Variants in KCTD1 observed in about 807,000 individuals in gnomAD.
KCTD1 encodes potassium channel tetramerization domain containing 1.
Under a neutral mutation model 66.0 loss-of-function variants are expected in KCTD1, and 24 were observed. The observed-to-expected ratio is 0.36, with a 90% CI of 0.26 to 0.51. KCTD1 has a LOEUF of 0.51. KCTD1 is among the 20% of genes least tolerant of loss of function. The pLI is 0.95. For synonymous variants in KCTD1, 511 were observed against 517.2 expected (o/e 0.99, Z 0.16); for missense variants, 943 against 1,205.2 (o/e 0.78, Z 3.22).
chr18:26,544,021 C>T (rs1985096155), intron 1 of KCTD1: 1 of 152,124 alleles, frequency 6.6e-6, no homozygotes, highest in African/African-American at 2.4e-5. Flanking sequence ...TAAGGATGGA[C>T]GATACAGTGG....
intron 2 of KCTD1, among the ~76,000 whole-genome samples, chr18:26,484,463 C>T (rs927094108): frequency 5.3e-5 from 8 of 151,962 alleles, no homozygotes; most frequent in African/African-American, 1.9e-4. Context: ...AGGAACTCGG[C>T]GTTTTGTAGA....
chr18:26,502,207 G>A (rs1488832005), intron 1 of KCTD1, among the ~76,000 whole-genome samples: 3 of 152,188 alleles, frequency 2.0e-5, no homozygotes, highest in South Asian at 2.1e-4. Flanking sequence ...CCGCCACCAC[G>A]CCCAGCTAAT....
chr18:26,623,131 T>C (rs567744231), intron 1 of KCTD1, among the ~76,000 whole-genome samples: 1 of 152,282 alleles, frequency 6.6e-6, no homozygotes, highest in African/African-American at 2.4e-5. Flanking sequence ...TCCAGGTCTC[T>C]TCCCTCTCCC....
chr18:26,525,632 C>T (rs1023022929), intron 1 of KCTD1, among the ~76,000 whole-genome samples: 2 of 152,208 alleles, frequency 1.3e-5, no homozygotes, highest in African/African-American at 2.4e-5. Context: ...AGCCCTACTC[C>T]CCTGATAACC....
intron 2 of KCTD1, among the ~76,000 whole-genome samples, chr18:26,482,444 G>A (rs938163475): frequency 6.6e-6 from 1 of 152,146 alleles, no homozygotes; most frequent in African/African-American, 2.4e-5. Context: ...GAAACCTCTG[G>A]GAAGAGTAGT....
intron 1 of KCTD1, among the ~76,000 whole-genome samples, chr18:26,601,557 A>C (rs1986900646): frequency 6.6e-6 from 1 of 152,176 alleles, no homozygotes; most frequent in African/African-American, 2.4e-5. Flanking sequence ...CAACAAACAC[A>C]GCCGTGATTT....
intron 1 of KCTD1, among the ~76,000 whole-genome samples, chr18:26,646,772 T>A (rs1317903713): frequency 6.6e-6 from 1 of 152,222 alleles, no homozygotes; most frequent in East Asian, 1.9e-4. Context: ...TTGAGCTTTT[T>A]AAATGATTTG....
At chr18:26,602,987 G>C (rs1001817178) in intron 1 of KCTD1, among the ~76,000 whole-genome samples, 1 of 152,120 alleles carries the variant, frequency 6.6e-6, no homozygotes, top group Non-Finnish European at 1.5e-5. Context: ...ACAACCATCT[G>C]ATCTTTGACA....
At position 26,455,683 on chromosome 18, in the gene KCTD1, CT is replaced by C; in HGVS notation, c.*59del. On this transcript the variant is annotated 3_prime_UTR_variant, in exon 5 of 5. Transcript: ENST00000580059. ...CTGTCCCAACTGCACATAAATGTCC[CT>C]TTTTTGTTTGAGTTATTGGTTGTGT... The C allele has an allele frequency of 1.3e-6, 2 of 1,596,442 alleles. No homozygotes were observed. The highest frequency in any genetic ancestry group is 8.6e-7 in the Non-Finnish European group (1 of 1,167,768).
At chr18:26,493,272 T>C (rs1167390331) in intron 2 of KCTD1, among the ~76,000 whole-genome samples, 1 of 152,202 alleles carries the variant, frequency 6.6e-6, no homozygotes, top group African/African-American at 2.4e-5. Context: ...GCGATGTCTG[T>C]GGCTAGCAGA....
At chr18:26,496,066 T>C (rs995701297) in intron 2 of KCTD1, among the ~76,000 whole-genome samples, 4 of 152,192 alleles carry the variant, frequency 2.6e-5, no homozygotes, top group Admixed American at 6.5e-5. Context: ...AAAGAAGCCA[T>C]ATAATATGGT....
At chr18:26,511,752 T>C (rs1274491038) in intron 1 of KCTD1, among the ~76,000 whole-genome samples, 2 of 152,226 alleles carry the variant, frequency 1.3e-5, no homozygotes, top group East Asian at 1.9e-4. Context: ...TACTAGGCTA[T>C]ACATGCTCTG....
intron 1 of KCTD1, among the ~76,000 whole-genome samples, chr18:26,523,526 C>T (rs896474630): frequency 2.4e-4 from 36 of 152,166 alleles, no homozygotes; most frequent in African/African-American, 8.4e-4. Context: ...TGGCTCAAGC[C>T]TGTAATTCCA....
intron 3 of KCTD1, among the ~76,000 whole-genome samples, chr18:26,462,339 T>A (rs887900944): frequency 1.2e-4 from 19 of 152,158 alleles, no homozygotes; most frequent in African/African-American, 4.1e-4. Flanking sequence ...TGGGCTAGAG[T>A]CTCATGGGCC....
chr18:26,592,639 C>T (rs1986635206), intron 1 of KCTD1, among the ~76,000 whole-genome samples: 1 of 152,236 alleles, frequency 6.6e-6, no homozygotes. Context: ...TCTTGACTTC[C>T]ATCCAGTTCA....
upstream of KCTD1, chr18:26,549,231 C>T (rs1291616260): frequency 6.1e-6 from 6 of 986,332 alleles, no homozygotes; most frequent in Non-Finnish European, 7.2e-6. Flanking sequence ...GCGGCGGCGG[C>T]TCCCCCACCT....
At chr18:26,487,154 C>T (rs1370964312) in intron 2 of KCTD1, among the ~76,000 whole-genome samples, 2 of 152,102 alleles carry the variant, frequency 1.3e-5, no homozygotes, top group African/African-American at 4.8e-5. Context: ...CAAATATCTA[C>T]AGTATTGAAA....
chr18:26,619,214 T>C (rs1987320553), intron 1 of KCTD1, among the ~76,000 whole-genome samples: 1 of 152,242 alleles, frequency 6.6e-6, no homozygotes, highest in Non-Finnish European at 1.5e-5. Flanking sequence ...GGAGCTATAG[T>C]AGATGCCACT....
In KCTD1 at chr18:26,610,842, C is replaced by T. The variant is rs373552287; in HGVS notation, c.-16+18305G>A. Among the ~76,000 whole-genome samples, 24 of 152,266 alleles carry T rather than the reference C, an allele frequency of 1.6e-4. No individual in the cohort carries two copies. In the East Asian group the frequency reaches 4.6e-3, roughly 29 times the overall value. ...CACTGTTACCCTTATTTTTATTCTT[C>T]TGTACTTAATATGTCTTTTTTCTCT... On this transcript the variant is annotated intron_variant, in intron 1 of 4. Transcript: ENST00000317932.
Sources: allele counts gnomAD v4.1 joint callset (sites outside exome capture counted in the v4.1 genomes callset), GRCh38; gene constraint gnomAD v4.1.1; transcripts MANE v1.5; gene names NCBI Gene and HGNC (gene_info 2026-07-23, HGNC 2026-07-21).